Variants in THRB observed in about 807,000 individuals in gnomAD.
THRB encodes nuclear receptor subfamily 1 group A member 2.
Under a neutral mutation model 47.8 loss-of-function variants are expected in THRB, and 12 were observed. That is an observed-to-expected ratio of 0.25 (90% CI 0.16 to 0.41). The LOEUF is 0.41. Among genes scored for constraint, THRB ranks in the 10% least tolerant of loss-of-function variants. The pLI, the probability that THRB is intolerant of heterozygous loss-of-function variation, is 1.00. For missense variants in THRB, 348 were observed against 589.2 expected (o/e 0.59, Z 4.24); for synonymous variants, 218 against 212.2 (o/e 1.03, Z -0.24).
At chr3:24,438,391 C>T (rs756175012) in intron 1 of THRB, among the ~76,000 whole-genome samples, 1 of 152,102 alleles carries the variant, frequency 6.6e-6, no homozygotes, top group Non-Finnish European at 1.5e-5. Context: ...AACTGATCTT[C>T]ATGTTTTTCT....
chr3:24,290,786 C>G (rs1239868335), intron 3 of THRB, among the ~76,000 whole-genome samples: 1 of 152,152 alleles, frequency 6.6e-6, no homozygotes, highest in African/African-American at 2.4e-5. Context: ...TTGGAAACCC[C>G]AAAGCAGTCG....
At chr3:24,202,035 C>T (rs1559583808) in intron 4 of THRB, among the ~76,000 whole-genome samples, 1 of 152,176 alleles carries the variant, frequency 6.6e-6, no homozygotes, top group African/African-American at 2.4e-5. Context: ...CCCAAGATCA[C>T]ACAGTGGATA....
chr3:24,128,570 T>C (rs1361650904), intron 9 of THRB, among the ~76,000 whole-genome samples: 1 of 152,242 alleles, frequency 6.6e-6, no homozygotes, highest in Non-Finnish European at 1.5e-5. Context: ...GGGGAGACTA[T>C]TTAATTAAAT....
chr3:24,223,486 AC>A (rs2047358469), intron 4 of THRB, among the ~76,000 whole-genome samples: 1 of 152,202 alleles, frequency 6.6e-6, no homozygotes. Flanking sequence ...CTTTTGTATG[AC>A]CAAAAATGCT....
At chr3:24,469,493 C>A (rs1273296628) in intron 1 of THRB, among the ~76,000 whole-genome samples, 1 of 152,162 alleles carries the variant, frequency 6.6e-6, no homozygotes, top group Non-Finnish European at 1.5e-5. Flanking sequence ...AAGCTTTTCC[C>A]CTCAGATGTC....
intron 1 of THRB, among the ~76,000 whole-genome samples, chr3:24,373,508 CT>C (rs1560045529): frequency 6.6e-6 from 1 of 152,094 alleles, no homozygotes; most frequent in African/African-American, 2.4e-5. Flanking sequence ...ACAAAGGTAA[CT>C]ACTCTTCCCA....
intron 4 of THRB, among the ~76,000 whole-genome samples, chr3:24,206,792 G>A (rs2045413281): frequency 6.6e-6 from 1 of 152,082 alleles, no homozygotes; most frequent in Admixed American, 6.6e-5. Context: ...TCAAATAGAT[G>A]CAGTAAAAAA....
chr3:24,200,181 G>T lies in THRB; in HGVS notation c.23-9847C>A, dbSNP rs552552995. 4.6e-5 allele frequency among the ~76,000 whole-genome samples: 7 copies of T among 152,296 alleles called. No individual in the cohort carries two copies. The East Asian group carries it at 1.3e-3, about 29-fold the overall frequency. ...ACATAAAAGGGAACAGATGTTTACT[G>T]CTAGGATTAGGTTTATCCTGTGCAA... On this transcript the variant is annotated intron_variant, in intron 4 of 10. Transcript: ENST00000646209.
At chr3:24,296,516 T>C (rs550614571) in intron 3 of THRB, among the ~76,000 whole-genome samples, 2 of 152,332 alleles carry the variant, frequency 1.3e-5, no homozygotes, top group South Asian at 4.1e-4. Flanking sequence ...AGGCTGAGAA[T>C]ATGAGTAAGT....
chr3:24,214,523 A>T (rs566833351), intron 4 of THRB, among the ~76,000 whole-genome samples: 11 of 152,252 alleles, frequency 7.2e-5, no homozygotes, highest in Non-Finnish European at 1.3e-4. Flanking sequence ...GGAGTCAAAG[A>T]GCACCGAAGG....
At chr3:24,361,210 A>C (rs1453619246) in intron 1 of THRB, among the ~76,000 whole-genome samples, 1 of 152,166 alleles carries the variant, frequency 6.6e-6, no homozygotes, top group African/African-American at 2.4e-5. Flanking sequence ...GATATGGGAT[A>C]CTCAATATAT....
At chr3:24,334,102 A>G (rs1288009588) in intron 2 of THRB, among the ~76,000 whole-genome samples, 1 of 152,222 alleles carries the variant, frequency 6.6e-6, no homozygotes, top group Non-Finnish European at 1.5e-5. Context: ...AAAATATACA[A>G]TAACAAAATT....
At chr3:24,385,566 G>A (rs998978795) in intron 1 of THRB, among the ~76,000 whole-genome samples, 1 of 152,028 alleles carries the variant, frequency 6.6e-6, no homozygotes, top group Non-Finnish European at 1.5e-5. Flanking sequence ...TGAGAGTTTG[G>A]ACTACATATT....
chr3:24,132,668 C>T (rs13066296), intron 9 of THRB, among the ~76,000 whole-genome samples: 17,028 of 152,232 alleles, frequency 0.11, 1,140 homozygotes, highest in Non-Finnish European at 0.15. Context: ...AAGGGAAAGT[C>T]GAAGAACTCC....
chr3:24,298,331 A>T (rs996545354), intron 2 of THRB, among the ~76,000 whole-genome samples: 2 of 152,168 alleles, frequency 1.3e-5, no homozygotes, highest in African/African-American at 2.4e-5. Flanking sequence ...GGTACTATCC[A>T]CGCCCCATGG....
intron 1 of THRB, among the ~76,000 whole-genome samples, chr3:24,407,548 T>C (rs945046999): frequency 3.3e-5 from 5 of 151,872 alleles, no homozygotes; most frequent in African/African-American, 1.2e-4. Flanking sequence ...AATGAAATAA[T>C]TAGCTGATTT....
chr3:24,169,564 CG>C (rs762868757), intron 5 of THRB, among the ~76,000 whole-genome samples: 43 of 151,522 alleles, frequency 2.8e-4, no homozygotes, highest in Non-Finnish European at 5.0e-4. Flanking sequence ...AAACAGATAA[CG>C]GTAGTCACTT....
At chr3:24,324,584 T>C (rs964188226) in intron 2 of THRB, among the ~76,000 whole-genome samples, 1 of 152,228 alleles carries the variant, frequency 6.6e-6, no homozygotes, top group African/African-American at 2.4e-5. Flanking sequence ...GAAAACTGCA[T>C]ACATATCAAC....
chr3:24,402,218 T>C (rs73039976), intron 1 of THRB, among the ~76,000 whole-genome samples: 2,688 of 152,164 alleles, frequency 0.018, 34 homozygotes, highest in Non-Finnish European at 0.028. Context: ...TTCTTTTGCC[T>C]GCAGAATATT....
Sources: gnomAD v4.1 joint callset for allele counts (sites outside exome capture counted in the v4.1 genomes callset) on GRCh38, gnomAD v4.1.1 for gene constraint, MANE v1.5 for transcripts, NCBI Gene and HGNC (gene_info 2026-07-23, HGNC 2026-07-21) for gene names.